The following CATSPERE variants were observed in gnomAD, a reference collection of about 807,000 sequenced individuals.
The protein encoded by CATSPERE is cation channel sperm-associated auxiliary subunit epsilon.
Under a neutral mutation model 114.1 loss-of-function variants are expected in CATSPERE, and 93 were observed. That is an observed-to-expected ratio of 0.81 (90% CI 0.69 to 0.97). The LOEUF (loss-of-function observed/expected upper bound fraction) is 0.97, where lower values mean the gene tolerates loss of function less well. CATSPERE is among the 50% of genes least tolerant of loss of function. CATSPERE has a pLI of 0.00. For missense variants in CATSPERE, 1,058 were observed against 1,131.6 expected, an observed-to-expected ratio of 0.93 and a Z score of 0.93; for synonymous variants, 341 against 384.1, an observed-to-expected ratio of 0.89 and a Z score of 1.31.
chr1:244,530,001 G>A (rs1457291523), intron 8 of CATSPERE, among the ~76,000 whole-genome samples: 1 of 152,092 alleles, frequency 6.6e-6, no homozygotes, highest in Non-Finnish European at 1.5e-5. Flanking sequence ...AGGCTGAAGT[G>A]CAATGGCATG....
At chr1:244,586,299 G>T (rs1487187466) in intron 13 of CATSPERE, among the ~76,000 whole-genome samples, 2 of 152,256 alleles carry the variant, frequency 1.3e-5, no homozygotes, top group East Asian at 1.9e-4. Flanking sequence ...GAGGCTTGGG[G>T]TGATTTTTTT....
intron 6 of CATSPERE, among the ~76,000 whole-genome samples, chr1:244,491,085 C>T (rs375681239): frequency 6.6e-6 from 1 of 152,026 alleles, no homozygotes; most frequent in Admixed American, 6.6e-5. Context: ...CAGCTCTGCA[C>T]CAAGCGGACC....
intron 8 of CATSPERE, among the ~76,000 whole-genome samples, chr1:244,549,605 C>A (rs1220217355): frequency 6.6e-6 from 1 of 152,210 alleles, no homozygotes; most frequent in Non-Finnish European, 1.5e-5. Flanking sequence ...GGACTTTAAC[C>A]TCCTCTTCTG....
At chr1:244,488,719 C>G (rs1295484495) in intron 5 of CATSPERE, among the ~76,000 whole-genome samples, 1 of 152,178 alleles carries the variant, frequency 6.6e-6, no homozygotes, top group Non-Finnish European at 1.5e-5. Flanking sequence ...TTCCCTGTGC[C>G]TCTGACAAGT....
chr1:244,531,856 A>C (rs1679656424), intron 8 of CATSPERE, among the ~76,000 whole-genome samples: 1 of 152,152 alleles, frequency 6.6e-6, no homozygotes, highest in Non-Finnish European at 1.5e-5. Context: ...AATGAGTTTC[A>C]AAGTATTCCC....
At chr1:244,479,639 G>A (rs1669940465) in intron 4 of CATSPERE, 78 bp from the exon 5 acceptor site, 1 of 780,264 alleles carries the variant, frequency 1.3e-6, no homozygotes, top group East Asian at 2.7e-5. Context: ...TACTTCCTCT[G>A]TGACTTCTGT....
chr1:244,595,654 G>A lies in CATSPERE; in HGVS notation c.2303+2076G>A, dbSNP rs541194454. Reference sequence around the variant, plus strand: ...CATGATCAAATATTTGCTTTAGGCTGGGCACAGTGGCTCACGCCTGTAATC... The same window carrying A: ...CATGATCAAATATTTGCTTTAGGCTAGGCACAGTGGCTCACGCCTGTAATC... On this transcript the variant is annotated intron_variant, in intron 17 of 21. Coordinates refer to ENST00000366534, the MANE Select transcript of CATSPERE (RefSeq NM_001130957.2). Among the ~76,000 whole-genome samples the A allele has an allele frequency of 1.1e-4, 16 of 152,310 alleles. 1 individual carries two copies. The South Asian group carries it at 1.4e-3, about 14-fold the overall frequency.
rs557943313 is a variant in CATSPERE, at chr1:244,603,606, T to C, written c.2304-2089T>C. Among the ~76,000 whole-genome samples, 16 of 152,302 alleles carry C rather than the reference T, an allele frequency of 1.1e-4. No homozygotes were observed. The East Asian group carries it at 3.1e-3, about 29-fold the overall frequency. ...TCATGTAATTTACACTTATTGCCAC[T>C]AGATGGCACTGTAGCATATTGCTCT... On this transcript the variant is annotated intron_variant, in intron 17 of 21. Coordinates refer to ENST00000366534, the MANE Select transcript of CATSPERE (RefSeq NM_001130957.2).
chr1:244,451,659 G>A, upstream of CATSPERE: 1 of 1,610,954 alleles, frequency 6.2e-7, no homozygotes, highest in East Asian at 2.2e-5. This position sits in a 1 kb window ranked among gnomAD's most constrained non-coding sequence, Gnocchi z 6.6. Flanking sequence ...CGATGTCGGC[G>A]TCCTGCGCCA....
At chr1:244,622,817 A>T (rs1375548761) in intron 20 of CATSPERE, among the ~76,000 whole-genome samples, 1 of 152,020 alleles carries the variant, frequency 6.6e-6, no homozygotes, top group Non-Finnish European at 1.5e-5. Context: ...GAATTCCCCA[A>T]CCTCACAGAT....
intron 8 of CATSPERE, among the ~76,000 whole-genome samples, chr1:244,525,295 C>T (rs535129292): frequency 7.2e-6 from 1 of 138,402 alleles, no homozygotes; most frequent in South Asian, 2.2e-4. Flanking sequence ...ACAATGAGAA[C>T]ACATGGACAC....
At chr1:244,532,388 A>G (rs1449655172) in intron 8 of CATSPERE, among the ~76,000 whole-genome samples, 1 of 151,664 alleles carries the variant, frequency 6.6e-6, no homozygotes, top group South Asian at 2.1e-4. Flanking sequence ...GTTTTTTAAG[A>G]TGTATCATTA....
chr1:244,529,672 T>G (rs1679284644), intron 8 of CATSPERE, among the ~76,000 whole-genome samples: 1 of 152,002 alleles, frequency 6.6e-6, no homozygotes, highest in Admixed American at 6.5e-5. Flanking sequence ...TTATTTTATT[T>G]TTTATTTTTA....
chr1:244,555,695 C>T (rs549730237), intron 9 of CATSPERE, among the ~76,000 whole-genome samples: 1 of 152,122 alleles, frequency 6.6e-6, no homozygotes, highest in South Asian at 2.1e-4. Context: ...CTAAAGACTC[C>T]ACAAAAAATT....
At chr1:244,461,584 C>T (rs1378058367) in intron 1 of CATSPERE, 90 bp downstream of exon 1, 1 of 1,080,064 alleles carries the variant, frequency 9.3e-7, no homozygotes. Flanking sequence ...CCCCATGCGC[C>T]TCGGGACCGC....
chr1:244,604,389 G>A (rs371000757), intron 17 of CATSPERE, among the ~76,000 whole-genome samples: 1 of 152,258 alleles, frequency 6.6e-6, no homozygotes, highest in East Asian at 1.9e-4. Context: ...TCCCCAGTTT[G>A]TGAGAATGGG....
At position 244,572,709 on chromosome 1, in the gene CATSPERE, A is replaced by G; in HGVS notation, c.1887A>G (p.Lys629=). ...LYVIVESYGP[K]ILQESHEISF... ...TTATTGTGGAATCTTATGGCCCAAA[A>G]ATATTACAAGAGAGTCATGAGATTT... The change falls in exon 11 of 22, where the codon AAA becomes AAG. Residue 629 remains lysine (K), a synonymous_variant. Transcript: ENST00000366534. 6.2e-7 allele frequency: 1 copy of G among 1,613,616 alleles called. No homozygotes were observed. Among genetic ancestry groups the G allele is most frequent in the East Asian group, 2.2e-5 (1 of 44,866 alleles).
intron 17 of CATSPERE, among the ~76,000 whole-genome samples, chr1:244,601,064 C>T (rs1558571841): frequency 6.6e-6 from 1 of 151,916 alleles, no homozygotes; most frequent in African/African-American, 2.4e-5. Flanking sequence ...AATAATACGA[C>T]TATGAAAAGA....
chr1:244,463,400 C>T (rs1281871191), intron 1 of CATSPERE, among the ~76,000 whole-genome samples: 3 of 151,836 alleles, frequency 2.0e-5, no homozygotes, highest in Non-Finnish European at 4.4e-5. Context: ...ATTAGCTGGG[C>T]GTGGTGGCAT....
Sources: gnomAD v4.1 joint callset for allele counts (sites outside exome capture counted in the v4.1 genomes callset) on GRCh38, gnomAD v4.1.1 for gene constraint, Gnocchi (gnomAD v3.1) non-coding constraint, MANE v1.5 for transcripts, NCBI Gene and HGNC (gene_info 2026-07-23, HGNC 2026-07-21) for gene names.